The following ADAMTS19 variants were observed in gnomAD, a reference collection of about 807,000 sequenced individuals.
ADAMTS19 encodes the protein A disintegrin and metalloproteinase with thrombospondin motifs 19.
Under a neutral mutation model 153.3 loss-of-function variants are expected in ADAMTS19, and 93 were observed. The ratio of observed to expected loss-of-function variants is 0.61; its 90% CI spans 0.51 to 0.72. The LOEUF is 0.72. Ranked by LOEUF, ADAMTS19 falls within the 30% of genes least tolerant of loss-of-function variation. ADAMTS19 has a pLI of 0.00. For synonymous variants in ADAMTS19, 600 were observed against 556.6 expected (o/e 1.08, Z -1.10); for missense variants, 1,482 against 1,552.1 (o/e 0.95, Z 0.76).
At chr5:129,676,697 G>A (rs1754566641) in intron 16 of ADAMTS19, among the ~76,000 whole-genome samples, 1 of 152,038 alleles carries the variant, frequency 6.6e-6, no homozygotes, top group Admixed American at 6.6e-5. Context: ...ATTCAATCAT[G>A]GTGAAGAGTA....
At chr5:129,602,242 G>A (rs1170733856) in intron 8 of ADAMTS19, among the ~76,000 whole-genome samples, 1 of 152,110 alleles carries the variant, frequency 6.6e-6, no homozygotes, top group African/African-American at 2.4e-5. Flanking sequence ...ACAGGCATGT[G>A]CCACCACACC....
intron 6 of ADAMTS19, among the ~76,000 whole-genome samples, chr5:129,548,689 A>G (rs930971206): frequency 1.3e-5 from 2 of 151,886 alleles, no homozygotes; most frequent in Admixed American, 6.6e-5. Context: ...TATACCCAAA[A>G]GATTATAAAT....
intron 6 of ADAMTS19, among the ~76,000 whole-genome samples, chr5:129,550,549 CAT>C (rs1753052943): frequency 6.7e-6 from 1 of 149,142 alleles, no homozygotes; most frequent in Non-Finnish European, 1.5e-5. Context: ...TACATCTATA[CAT>C]ATATCTATAT....
At chr5:129,667,398 A>T (rs1192714332) in intron 16 of ADAMTS19, among the ~76,000 whole-genome samples, 1 of 152,120 alleles carries the variant, frequency 6.6e-6, no homozygotes, top group African/African-American at 2.4e-5. Context: ...AATAAGTCTG[A>T]TATAGTTTGG....
chr5:129,710,157 T>C (rs561540569), intron 21 of ADAMTS19, among the ~76,000 whole-genome samples: 2 of 152,246 alleles, frequency 1.3e-5, no homozygotes, highest in South Asian at 4.1e-4. Flanking sequence ...TAGTGTGTGT[T>C]GTTCCTCTCC....
At chr5:129,537,835 G>T (rs1397965523) in intron 6 of ADAMTS19, among the ~76,000 whole-genome samples, 1 of 151,962 alleles carries the variant, frequency 6.6e-6, no homozygotes, top group Non-Finnish European at 1.5e-5. Context: ...CAAATGACGA[G>T]TTAATGGGTA....
At chr5:129,686,327 G>T (rs2127132518) in intron 18 of ADAMTS19, among the ~76,000 whole-genome samples, 1 of 152,182 alleles carries the variant, frequency 6.6e-6, no homozygotes, top group African/African-American at 2.4e-5. Flanking sequence ...AGATATGGGG[G>T]CTGGAAAGAC....
At chr5:129,719,867 C>T (rs1411835169) in intron 21 of ADAMTS19, among the ~76,000 whole-genome samples, 1 of 151,738 alleles carries the variant, frequency 6.6e-6, no homozygotes, top group Non-Finnish European at 1.5e-5. Flanking sequence ...ATGGTAAAAC[C>T]CCATCTCTAC....
At chr5:129,695,508 G>T (rs1755513017) in intron 19 of ADAMTS19, among the ~76,000 whole-genome samples, 1 of 152,200 alleles carries the variant, frequency 6.6e-6, no homozygotes, top group Admixed American at 6.5e-5. Flanking sequence ...TAGGAAGAAA[G>T]AAGCCCATGC....
At chr5:129,658,347 AAGAAAGAAAGAAAGAAAGAAAG>A (rs1753667387) in intron 14 of ADAMTS19, among the ~76,000 whole-genome samples, 12 of 115,992 alleles carry the variant, frequency 1.0e-4, no homozygotes, top group African/African-American at 4.4e-4. Context: ...GAAAGAAAGA[AAGAAAGAAAGAAAGAAAGAAAG>A]AGAGAGAGGA....
chr5:129,507,599 G>T (rs1009120276), intron 2 of ADAMTS19, among the ~76,000 whole-genome samples: 4 of 151,452 alleles, frequency 2.6e-5, no homozygotes, highest in Non-Finnish European at 2.9e-5. Flanking sequence ...TATTTTAAAG[G>T]TTCATTAGAG....
At chr5:129,691,077 A>C (rs1214143866) in intron 18 of ADAMTS19, among the ~76,000 whole-genome samples, 2 of 152,162 alleles carry the variant, frequency 1.3e-5, no homozygotes, top group Non-Finnish European at 2.9e-5. Context: ...TATGGGTTAA[A>C]TACAGAGCAT....
intron 8 of ADAMTS19, among the ~76,000 whole-genome samples, chr5:129,614,164 G>A (rs993377854): frequency 1.3e-5 from 2 of 152,102 alleles, no homozygotes; most frequent in Non-Finnish European, 2.9e-5. Flanking sequence ...GAAAAAGAGG[G>A]AATCCTCCCT....
At chr5:129,695,906 C>T (rs1457564173) in intron 19 of ADAMTS19, among the ~76,000 whole-genome samples, 2 of 152,112 alleles carry the variant, frequency 1.3e-5, no homozygotes, top group African/African-American at 4.8e-5. Flanking sequence ...ACACACCCTA[C>T]AATTCAGATA....
At chr5:129,516,339 T>C (rs936961680) in intron 3 of ADAMTS19, among the ~76,000 whole-genome samples, 1 of 151,058 alleles carries the variant, frequency 6.6e-6, no homozygotes, top group African/African-American at 2.4e-5. Flanking sequence ...TATTCCCTCC[T>C]CTTATATATT....
At chr5:129,460,908 T>C (rs1399447614) in intron 1 of ADAMTS19, among the ~76,000 whole-genome samples, 194 bp from the exon 2 acceptor site, 1 of 151,296 alleles carries the variant, frequency 6.6e-6, no homozygotes, top group Non-Finnish European at 1.5e-5. Context: ...TAATCGTACT[T>C]TTACTCTGAA....
At chr5:129,644,689 G>A (rs757306858) in intron 11 of ADAMTS19, among the ~76,000 whole-genome samples, 70 of 152,190 alleles carry the variant, frequency 4.6e-4, no homozygotes, top group Non-Finnish European at 3.1e-4. Context: ...ATTTCAAAGA[G>A]ATTAAGTAGT....
Position 129,608,121 on chromosome 5 carries a change from T to TATAC in ADAMTS19, c.1478+11460_1478+11461insCATA, listed in dbSNP as rs1751016206. 1.0e-4 allele frequency among the ~76,000 whole-genome samples: 13 copies of TATAC among 125,996 alleles called. 1 individual carries two copies. The highest frequency in any genetic ancestry group is 8.9e-4 in the Admixed American group (11 of 12,292). The allele number at this position is 125,996 out of a possible 152,430, so 82.7% of individuals were successfully genotyped here. The stretch of plus-strand genomic sequence containing the variant: ...GTGTGTGTGTGTGTGTGTGTGTATA[T>TATAC]ATATATATATATATATATAATGGAA... On this transcript the variant is annotated intron_variant, in intron 8 of 22. Coordinates refer to ENST00000274487, the MANE Select transcript of ADAMTS19 (RefSeq NM_133638.6).
At position 129,532,899 on chromosome 5, in the gene ADAMTS19, T is replaced by A. The variant is rs115468621; in HGVS notation, c.1328+4222T>A. Reference sequence around the variant, plus strand: ...AGGCAGATCACTTGAGGTCAGGAGTTCAATATCAGCCTTGTCAACATGGTA... The same window carrying A: ...AGGCAGATCACTTGAGGTCAGGAGTACAATATCAGCCTTGTCAACATGGTA... On this transcript the variant is annotated intron_variant, in intron 6 of 22. Transcript: ENST00000274487. Among the ~76,000 whole-genome samples the A allele has an allele frequency of 2.6e-3, 397 of 152,232 alleles. 2 individuals carry two copies. The highest frequency in any genetic ancestry group is 9.1e-3 in the African/African-American group (377 of 41,564).
Sources: gnomAD v4.1 joint callset for allele counts (sites outside exome capture counted in the v4.1 genomes callset) on GRCh38, gnomAD v4.1.1 for gene constraint, MANE v1.5 for transcripts, NCBI Gene and HGNC (gene_info 2026-07-23, HGNC 2026-07-21) for gene names.